Variants in COCH observed in about 807,000 individuals in gnomAD.
COCH encodes the protein cochlin.
Under a neutral mutation model 54.8 loss-of-function variants are expected in COCH, and 40 were observed. That is an observed-to-expected ratio of 0.73 (90% confidence interval 0.57 to 0.95). The LOEUF is 0.95. COCH is among the 40% of genes least tolerant of loss of function. The pLI, the probability that COCH is intolerant of heterozygous loss-of-function variation, is 0.00. For synonymous variants in COCH, 256 were observed against 237.9 expected, an observed-to-expected ratio of 1.08 and a Z score of -0.70; for missense variants, 605 against 675.0, an observed-to-expected ratio of 0.90 and a Z score of 1.15.
rs1895545269 is a variant in COCH, at chr14:30,880,669, T to A, written c.564T>A (p.Val188=). 6.2e-7 allele frequency: 1 copy of A among 1,613,962 alleles called. No homozygotes were observed. Among genetic ancestry groups the A allele is most frequent in the South Asian group, 1.1e-5 (1 of 91,078 alleles). ...QRRFNLQKNF[V]GKVALMLGIG... ...GATTTAATTTACAGAAGAATTTTGTTGGAAAAGTGGCTCTAATGTTGGGAA... is the reference window on the plus strand; with the variant it reads ...GATTTAATTTACAGAAGAATTTTGTAGGAAAAGTGGCTCTAATGTTGGGAA... The change falls in exon 8 of 12, where the codon GTT becomes GTA. Residue 188 remains valine, a synonymous_variant. Transcript: ENST00000396618.
rs1236448710 is a variant in COCH at position 30,875,440 on chromosome 14, C to G, written c.82+337C>G. 45 of 589,276 alleles carry G rather than the reference C, an allele frequency of 7.6e-5. No individual in the cohort carries two copies. In the East Asian group the frequency reaches 1.2e-3, roughly 16 times the overall value. The allele number at this position is 589,276 out of a possible 1,614,324, so 36.5% of individuals were successfully genotyped here. On this transcript the variant is annotated intron_variant, in intron 3 of 11. Coordinates refer to ENST00000396618, the MANE Select transcript of COCH (RefSeq NM_004086.3). ...GGTCGAGGAAGGAGGACTCCTTGAG[C>G]CTCACCGAGGAGCGCACCAGTCCTG...
In COCH at chr14:30,878,808, C is replaced by T; in HGVS notation, c.240-3C>T. ...CATCTCAGCTGCTATTCTTGTGTTACAGGGGAGTAATCAGCAACTCAGGGG... is the reference window on the plus strand; with the variant it reads ...CATCTCAGCTGCTATTCTTGTGTTATAGGGGAGTAATCAGCAACTCAGGGG... On this transcript the variant is annotated splice_polypyrimidine_tract_variant and splice_region_variant and intron_variant, in intron 4 of 11. Transcript: ENST00000396618. 1 of 1,614,088 alleles carries T rather than the reference C, an allele frequency of 6.2e-7. No individual in the cohort carries two copies. The highest frequency in any genetic ancestry group is 8.5e-7 in the Non-Finnish European group (1 of 1,180,012).
intron 8 of COCH, among the ~76,000 whole-genome samples, chr14:30,881,972 AAAATAAAAAT>A (rs961081939): frequency 1.7e-4 from 23 of 136,370 alleles, no homozygotes; most frequent in African/African-American, 6.7e-4. Flanking sequence ...TCAAAAAATA[AAAATAAAAAT>A]AAATAAATAA....
downstream of COCH, among the ~76,000 whole-genome samples, chr14:30,891,162 G>GT (rs921941173): frequency 3.5e-4 from 54 of 152,278 alleles, 1 homozygote; most frequent in Admixed American, 3.3e-3. Flanking sequence ...CACCAGAAAT[G>GT]TTTTGTAATT....
In COCH at chr14:30,889,872, T is replaced by C; in HGVS notation, c.*81T>C. The stretch of plus-strand genomic sequence containing the variant: ...GTATTCTCATAATACTGAAATGCTT[T>C]AGCATACTAGAATCAGATACAAAAC... On this transcript the variant is annotated 3_prime_UTR_variant, in exon 12 of 12. Coordinates refer to ENST00000396618, the MANE Select transcript of COCH (RefSeq NM_004086.3). 6.6e-7 allele frequency: 1 copy of C among 1,519,832 alleles called. No homozygotes were observed. Among genetic ancestry groups the C allele is most frequent in the Non-Finnish European group, 8.8e-7 (1 of 1,133,640 alleles). The allele number at this position is 1,519,832 out of a possible 1,614,324, so 94.1% of individuals were successfully genotyped here.
At chr14:30,887,520 T>C (rs1337659894) in intron 11 of COCH, among the ~76,000 whole-genome samples, 1 of 152,218 alleles carries the variant, frequency 6.6e-6, no homozygotes, top group African/African-American at 2.4e-5. Context: ...AATATTACTT[T>C]TGGCACAGGC....
intron 8 of COCH, among the ~76,000 whole-genome samples, chr14:30,882,120 GTTTTT>G (rs61175020): frequency 1.5e-3 from 101 of 67,904 alleles, no homozygotes; most frequent in African/African-American, 5.3e-3. Context: ...CTATAAAATG[GTTTTT>G]TTTTTTTTTT....
chr14:30,889,077 T>C (rs1895891393), intron 11 of COCH: 1 of 153,614 alleles, frequency 6.5e-6, no homozygotes, highest in Non-Finnish European at 1.4e-5. Flanking sequence ...AAGAGGATTT[T>C]TCATTATCAG....
In COCH at chr14:30,884,592, A is replaced by G. The variant is rs370307569; in HGVS notation, c.669A>G (p.Thr223=). 5 of 1,613,714 alleles carry G rather than the reference A, an allele frequency of 3.1e-6. No homozygotes were observed. Among genetic ancestry groups the G allele is most frequent in the African/African-American group, 2.7e-5 (2 of 74,926 alleles). Residue 223 remains threonine (T), a synonymous_variant, in exon 9 of 12, where the codon ACA becomes ACG. Transcript: ENST00000396618. ...PKIEFYLKNF[T]SAKDVLFAIK... ...TAGAATTTTACTTGAAAAACTTTAC[A>G]TCAGCCAAAGATGTTTTGTTTGCCA...
At chr14:30,893,291 C>T (rs185970286), downstream of COCH, among the ~76,000 whole-genome samples, 3 of 151,778 alleles carry the variant, frequency 2.0e-5, no homozygotes, top group Non-Finnish European at 4.4e-5. Context: ...GGACCATAGG[C>T]ACCCGCCACC....
downstream of COCH, among the ~76,000 whole-genome samples, chr14:30,892,197 T>C (rs1482757359): frequency 1.3e-5 from 2 of 152,226 alleles, no homozygotes; most frequent in Admixed American, 6.5e-5. Context: ...CTTTAGTCTC[T>C]TCCAAATGTT....
chr14:30,889,811 GAAAGAA>G lies in COCH; in HGVS notation c.*25_*30del, dbSNP rs1566416471. Reference sequence around the variant, plus strand: ...CAATAATGGTAACATTTTGACAACTGAAAGAAAAAGTACAAGGGGATCCAGTGTGTA... The same window carrying G: ...CAATAATGGTAACATTTTGACAACTGAAAGTACAAGGGGATCCAGTGTGTA... On this transcript the variant is annotated 3_prime_UTR_variant, in exon 12 of 12. Coordinates refer to ENST00000396618, the MANE Select transcript of COCH (RefSeq NM_004086.3). The G allele has an allele frequency of 1.2e-6, 2 of 1,604,986 alleles. No individual in the cohort carries two copies. The highest frequency in any genetic ancestry group is 2.2e-5 in the South Asian group (2 of 90,338).
intron 8 of COCH, among the ~76,000 whole-genome samples, chr14:30,881,413 T>C (rs1183588831): frequency 6.6e-6 from 1 of 152,062 alleles, no homozygotes; most frequent in Non-Finnish European, 1.5e-5. Context: ...TGCCTCCTTT[T>C]TGGAATAAAA....
chr14:30,894,274 T>C (rs945043713), downstream of COCH: 4 of 152,396 alleles, frequency 2.6e-5, no homozygotes, highest in East Asian at 1.9e-4. Flanking sequence ...TTTGGAATCA[T>C]GGTAAACCAA....
intron 5 of COCH, 23 bp from the exon 6 acceptor site, chr14:30,879,399 AT>A (rs750679639): frequency 1.9e-6 from 3 of 1,612,588 alleles, no homozygotes; most frequent in African/African-American, 1.3e-5. Flanking sequence ...AAGGAAAAAA[AT>A]AAGCTTATTT....
At chr14:30,883,718 A>T (rs1181604502) in intron 8 of COCH, among the ~76,000 whole-genome samples, 1 of 152,166 alleles carries the variant, frequency 6.6e-6, no homozygotes, top group Non-Finnish European at 1.5e-5. Flanking sequence ...AACACAACAG[A>T]TTGTGCTGTG....
intron 5 of COCH, 46 bp downstream of exon 5, chr14:30,878,990 C>A (rs1051507473): frequency 1.2e-4 from 197 of 1,609,910 alleles, no homozygotes; most frequent in Non-Finnish European, 1.6e-4. Context: ...TCCCACCCCC[C>A]AAACGTTTTC....
intron 11 of COCH, chr14:30,889,325 G>C: frequency 2.6e-6 from 1 of 377,992 alleles, no homozygotes; most frequent in Non-Finnish European, 5.0e-6. Context: ...TTATAGGTGT[G>C]TTCTGTCATT....
At chr14:30,894,893 CTTTTTTTT>C, downstream of COCH, 4 of 741,626 alleles carry the variant, frequency 5.4e-6, no homozygotes, top group Middle Eastern at 8.8e-4. Flanking sequence ...TTTTCTTTTT[CTTTTTTTT>C]TTTTTTTAAA....
Sources: gnomAD v4.1 joint callset for allele counts (sites outside exome capture counted in the v4.1 genomes callset) on GRCh38, gnomAD v4.1.1 for gene constraint, MANE v1.5 for transcripts, NCBI Gene and HGNC (gene_info 2026-07-23, HGNC 2026-07-21) for gene names.